GABRA2: variants seen among roughly 807,000 people sequenced by gnomAD.
GABRA2 encodes the protein gamma-aminobutyric acid receptor subunit alpha-2.
A neutral mutation model predicts 48.7 loss-of-function variants in GABRA2; 16 were observed. The observed-to-expected ratio is 0.33, with a 90% CI of 0.22 to 0.50. The LOEUF (loss-of-function observed/expected upper bound fraction) is 0.50, where lower values mean the gene tolerates loss of function less well. Among genes scored for constraint, GABRA2 ranks in the 20% least tolerant of loss-of-function variants. The pLI is 0.98. For missense variants in GABRA2, 275 were observed against 535.6 expected, an observed-to-expected ratio of 0.51 and a Z score of 4.80; for synonymous variants, 185 against 184.5, an observed-to-expected ratio of 1.00 and a Z score of -0.02.
At chr4:46,313,954 C>T (rs951642847) in intron 4 of GABRA2, among the ~76,000 whole-genome samples, 1 of 152,030 alleles carries the variant, frequency 6.6e-6, no homozygotes, top group African/African-American at 2.4e-5. Context: ...CCCAGTGATC[C>T]CTCAAAACTT....
rs574025456 is a variant in GABRA2 at position 46,298,785 on chromosome 4, G to A, written c.856+4675C>T. Among the ~76,000 whole-genome samples the A allele has an allele frequency of 8.9e-4, 135 of 151,842 alleles. 2 individuals carry two copies. Among genetic ancestry groups the A allele is most frequent in the African/African-American group, 3.2e-3 (133 of 41,512 alleles). ...AGGGGAGCTTTTTTAGAAATGTTTA[G>A]GGCACTAACAGGTGAAGATATTAGT... On this transcript the variant is annotated intron_variant, in intron 8 of 9. Transcript: ENST00000381620.
chr4:46,267,799 A>G (rs1718545137), intron 8 of GABRA2, among the ~76,000 whole-genome samples: 1 of 152,012 alleles, frequency 6.6e-6, no homozygotes, highest in Non-Finnish European at 1.5e-5. Context: ...TTTATAACAG[A>G]ATGACGATCC....
intron 3 of GABRA2, among the ~76,000 whole-genome samples, chr4:46,343,929 C>T (rs1733712069): frequency 6.6e-6 from 1 of 151,822 alleles, no homozygotes; most frequent in South Asian, 2.1e-4. Flanking sequence ...ACCTAAATTT[C>T]TTTATCCCTA....
At chr4:46,385,147 A>G (rs1717279069) in intron 3 of GABRA2, among the ~76,000 whole-genome samples, 1 of 150,736 alleles carries the variant, frequency 6.6e-6, no homozygotes, top group East Asian at 1.9e-4. Context: ...ATTTGCATAT[A>G]TATTCAGGAA....
At chr4:46,264,111 C>A (rs1272747530) in intron 8 of GABRA2, among the ~76,000 whole-genome samples, 1 of 151,772 alleles carries the variant, frequency 6.6e-6, no homozygotes, top group African/African-American at 2.4e-5. Flanking sequence ...GTTTTCTTAA[C>A]ATTCTGTTGA....
At chr4:46,287,779 T>C (rs909935628) in intron 8 of GABRA2, among the ~76,000 whole-genome samples, 1 of 151,680 alleles carries the variant, frequency 6.6e-6, no homozygotes, top group African/African-American at 2.4e-5. Flanking sequence ...TAAAGTATAA[T>C]AATAATAAAA....
chr4:46,250,233 T>C lies in GABRA2; in HGVS notation c.*75A>G. The C allele has an allele frequency of 1.6e-6, 2 of 1,215,998 alleles. No homozygotes were observed. Among genetic ancestry groups the C allele is most frequent in the South Asian group, 1.4e-5 (1 of 70,080 alleles). 75.3% of individuals were successfully genotyped at this position (1,215,998 alleles called of 1,614,324 possible). On this transcript the variant is annotated 3_prime_UTR_variant, in exon 10 of 10. Transcript: ENST00000381620. ...ATGTTGGATCACAAATTAGCAGTTA[T>C]TAGTCAGACTGTACATAGCAAAACA...
At chr4:46,284,711 T>C (rs1722190866) in intron 8 of GABRA2, among the ~76,000 whole-genome samples, 1 of 152,160 alleles carries the variant, frequency 6.6e-6, no homozygotes, top group African/African-American at 2.4e-5. Flanking sequence ...GTTCTATTAT[T>C]CTATTCACAG....
At chr4:46,280,019 G>T (rs184412626) in intron 8 of GABRA2, among the ~76,000 whole-genome samples, 13 of 151,668 alleles carry the variant, frequency 8.6e-5, no homozygotes, top group Admixed American at 6.6e-4. Context: ...CCTACTACAT[G>T]CCAGACATTC....
intron 9 of GABRA2, among the ~76,000 whole-genome samples, chr4:46,257,105 T>G (rs1715991518): frequency 6.6e-6 from 1 of 151,682 alleles, no homozygotes. Context: ...TATTGCCCAC[T>G]CAGATCTTGT....
intron 8 of GABRA2, among the ~76,000 whole-genome samples, chr4:46,271,308 A>G (rs79612175): frequency 2.0e-3 from 301 of 152,022 alleles, no homozygotes; most frequent in African/African-American, 6.7e-3. Context: ...ACAGAATATA[A>G]CAAAGGTATG....
At chr4:46,262,208 C>G in intron 8 of GABRA2, 80 bp from the exon 9 acceptor site, 1 of 1,084,644 alleles carries the variant, frequency 9.2e-7, no homozygotes, top group Non-Finnish European at 1.4e-6. Context: ...CTTTCTCCCT[C>G]CAGCCCCCAA....
Position 46,380,222 on chromosome 4 carries a change from T to G in GABRA2, c.187+5852A>C, listed in dbSNP as rs10008315. ...ATCTTGAATTGATGGTGCCAAATTT[T>G]TATATGTCATGACAGTAATCGTGAA... On this transcript the variant is annotated intron_variant, in intron 3 of 9. Transcript: ENST00000381620. Among the ~76,000 whole-genome samples, 386 of 152,348 alleles carry G rather than the reference T, an allele frequency of 2.5e-3. 2 individuals are homozygous for G. Among genetic ancestry groups the G allele is most frequent in the African/African-American group, 8.8e-3 (368 of 41,588 alleles).
chr4:46,388,750 AC>A, intron 1 of GABRA2, 34 bp from the exon 2 acceptor site: 1 of 1,612,746 alleles, frequency 6.2e-7, no homozygotes, highest in Non-Finnish European at 8.5e-7. Context: ...AACAAAATAC[AC>A]TTAAAATTGC....
chr4:46,258,234 G>C (rs746536974), intron 9 of GABRA2, among the ~76,000 whole-genome samples: 2 of 151,714 alleles, frequency 1.3e-5, no homozygotes, highest in Non-Finnish European at 2.9e-5. Flanking sequence ...TGTACAAAAT[G>C]CCAGAAAGAA....
intron 3 of GABRA2, among the ~76,000 whole-genome samples, chr4:46,340,603 C>T (rs1733053224): frequency 6.6e-6 from 1 of 151,934 alleles, no homozygotes; most frequent in African/African-American, 2.4e-5. Context: ...TTGGATATTA[C>T]AGCAATTTAT....
At chr4:46,311,030 C>G (rs1052456164) in intron 5 of GABRA2, among the ~76,000 whole-genome samples, 1 of 152,110 alleles carries the variant, frequency 6.6e-6, no homozygotes, top group African/African-American at 2.4e-5. Flanking sequence ...TTTGTTATGG[C>G]TTAAATTCTA....
chr4:46,255,584 TAC>T (rs1424294284), intron 9 of GABRA2, among the ~76,000 whole-genome samples: 2 of 151,598 alleles, frequency 1.3e-5, no homozygotes, highest in African/African-American at 4.8e-5. Flanking sequence ...ACTATGCTGT[TAC>T]ACAGTTTGTT....
chr4:46,260,152 C>G (rs1347265957), intron 9 of GABRA2, among the ~76,000 whole-genome samples: 7 of 151,800 alleles, frequency 4.6e-5, no homozygotes, highest in Non-Finnish European at 1.0e-4. Flanking sequence ...GAAATGCCTG[C>G]TAAGGACCAG....
Sources: allele counts gnomAD v4.1 joint callset (sites outside exome capture counted in the v4.1 genomes callset), GRCh38; gene constraint gnomAD v4.1.1; transcripts MANE v1.5; gene names NCBI Gene and HGNC (gene_info 2026-07-23, HGNC 2026-07-21).